Variants in BOD1L1 observed in about 807,000 individuals in gnomAD.
The protein encoded by BOD1L1 is biorientation of chromosomes in cell division protein 1-like 1.
A neutral mutation model predicts 240.7 loss-of-function variants in BOD1L1; 86 were observed. The observed-to-expected ratio is 0.36, with a 90% CI of 0.30 to 0.43. The LOEUF is 0.43. Ranked by LOEUF, BOD1L1 falls within the 20% of genes least tolerant of loss-of-function variation. The pLI is 1.00. For synonymous variants in BOD1L1, 1,268 were observed against 1,272.3 expected (o/e 1.00, Z 0.07); for missense variants, 3,554 against 3,643.5 (o/e 0.98, Z 0.63).
chr4:13,584,594 A>G (rs1239032931), intron 17 of BOD1L1, among the ~76,000 whole-genome samples: 3 of 152,090 alleles, frequency 2.0e-5, no homozygotes, highest in East Asian at 1.9e-4. Context: ...GTCCTGCACA[A>G]AAGTCTTCAA....
In BOD1L1 at chr4:13,576,921, C is replaced by A; in HGVS notation, c.8955G>T (p.Glu2985Asp). 1.9e-6 allele frequency: 3 copies of A among 1,614,012 alleles called. No homozygotes were observed. Among genetic ancestry groups the A allele is most frequent in the Non-Finnish European group, 2.5e-6 (3 of 1,179,880 alleles). Residue 2985 changes from glutamate (E) to aspartate (D), a missense_variant, in exon 25 of 26, where the codon GAG (glutamate) becomes GAT (aspartate). By Grantham distance (45) the Glu-to-Asp change is conservative. Coordinates refer to ENST00000040738, the MANE Select transcript of BOD1L1 (RefSeq NM_148894.3). ...SDPVEDKKEQ[E>D]SDEEEEEEEE... ...CCTCTTCTTCCTCTTCCTCATCAGA[C>A]TCCTGCTCTTTCTTGTCCTCCACTG...
At chr4:13,587,023 TTCATTCTTCAC>T (rs1191492751) in intron 16 of BOD1L1, among the ~76,000 whole-genome samples, 1 of 152,214 alleles carries the variant, frequency 6.6e-6, no homozygotes, top group Non-Finnish European at 1.5e-5. Context: ...ATATAAATAT[TTCATTCTTCAC>T]TCATTCTTTC....
chr4:13,608,631 C>T lies in BOD1L1; in HGVS notation c.1641G>A (p.Lys547=). 1 of 1,554,000 alleles carries T rather than the reference C, an allele frequency of 6.4e-7. No homozygotes were observed. The highest frequency in any genetic ancestry group is 8.7e-7 in the Non-Finnish European group (1 of 1,152,364). The stretch of plus-strand genomic sequence containing the variant: ...TTCTGGCGGCTTTAGGTTCCAAACT[C>T]TTTGTTGATGATTCTTCTAAGTCCA... The part of the protein sequence containing the change: ...SSVDLEESST[K]SLEPKAARIK... The change falls in exon 8 of 26, where the codon AAG becomes AAA. Residue 547 remains lysine (K), a synonymous_variant. Transcript: ENST00000040738.
chr4:13,608,766 CA>C, intron 7 of BOD1L1, 98 bp from the exon 8 acceptor site: 1 of 1,024,134 alleles, frequency 9.8e-7, no homozygotes, highest in South Asian at 2.4e-5. Context: ...TTGTTAAAGC[CA>C]AAATGGCTTT....
Position 13,603,790 on chromosome 4 carries a change from T to G in BOD1L1, c.3110A>C (p.Glu1037Ala). The G allele has an allele frequency of 6.2e-7, 1 of 1,613,508 alleles. No individual in the cohort carries two copies. The highest frequency in any genetic ancestry group is 8.5e-7 in the Non-Finnish European group (1 of 1,179,822). The change falls in exon 10 of 26, where the codon GAA becomes GCA. Residue 1037 changes from glutamate (E) to alanine (A), a missense_variant. Glu to Ala is a moderately radical substitution (Grantham distance 107). This residue lies in a region of BOD1L1 where 3,393 missense variants were observed against 3,427.1 expected (regional missense o/e 0.99). Transcript: ENST00000040738. ...HSSKDIKKKD[E>A]NKSDDKDGKE... ...ACCATCCTTGTCATCTGATTTATTT[T>G]CGTCCTTCTTTTTTATGTCTTTACT...
At chr4:13,612,793 T>C (rs1716275045) in intron 5 of BOD1L1, among the ~76,000 whole-genome samples, 1 of 151,862 alleles carries the variant, frequency 6.6e-6, no homozygotes, top group African/African-American at 2.4e-5. Context: ...GGTCATGGAG[T>C]AAGAGTTTGA....
intron 25 of BOD1L1, chr4:13,572,711 G>T: frequency 1.6e-6 from 2 of 1,289,750 alleles, no homozygotes; most frequent in Non-Finnish European, 2.0e-6. Flanking sequence ...CCTTCCTAAT[G>T]GGGGAGAGTT....
chr4:13,573,757 T>C (rs1364496077), intron 25 of BOD1L1, among the ~76,000 whole-genome samples: 1 of 152,150 alleles, frequency 6.6e-6, no homozygotes, highest in African/African-American at 2.4e-5. Flanking sequence ...CACCCGGCCT[T>C]AAGTGAGCCA....
rs773567290 is a variant in BOD1L1, at chr4:13,599,204, T to C, written c.7696A>G (p.Ser2566Gly). ...QQGSEDNLKT[S>G]TTKCITGQES... ...TGGCCAGTAATACATTTGGTGGTAC[T>C]GGTTTTCAAGTTGTCTTCAGACCCC... is the stretch of plus-strand genomic sequence containing the variant. Residue 2566 changes from serine to glycine, a missense_variant, in exon 10 of 26, where the codon AGT becomes GGT. Coordinates refer to ENST00000040738, the MANE Select transcript of BOD1L1 (RefSeq NM_148894.3). The C allele has an allele frequency of 6.8e-6, 11 of 1,613,962 alleles. No individual in the cohort carries two copies. The highest frequency in any genetic ancestry group is 9.3e-6 in the Non-Finnish European group (11 of 1,179,856).
rs150692913 is a variant in BOD1L1, at chr4:13,586,442, T to C, written c.8387A>G (p.Glu2796Gly). 2 of 1,612,078 alleles carry C rather than the reference T, an allele frequency of 1.2e-6. No homozygotes were observed. The highest frequency in any genetic ancestry group is 1.3e-5 in the African/African-American group (1 of 74,880). ...DNPDVLDSRI[E>G]TAQRQCPETE... The stretch of plus-strand genomic sequence containing the variant: ...TTCAGGACACTGCCTTTGTGCTGTT[T>C]CTATTCTGGAATCCAGGACATCTGG... The change falls in exon 17 of 26, where the codon GAA becomes GGA. Residue 2796 changes from glutamate (E) to glycine (G), a missense_variant. By Grantham distance (98) the Glu-to-Gly change is moderately conservative. Coordinates refer to ENST00000040738, the MANE Select transcript of BOD1L1 (RefSeq NM_148894.3).
chr4:13,622,183 T>A (rs1413536679), intron 1 of BOD1L1, among the ~76,000 whole-genome samples: 2 of 152,154 alleles, frequency 1.3e-5, no homozygotes, highest in Non-Finnish European at 2.9e-5. Flanking sequence ...AATTCTTAAT[T>A]CTTTCTCCCC....
Position 13,599,163 on chromosome 4 carries a change from A to G in BOD1L1, c.7737T>C (p.Ala2579=). 3 of 1,614,006 alleles carry G rather than the reference A, an allele frequency of 1.9e-6. No individual in the cohort carries two copies. The highest frequency in any genetic ancestry group is 2.5e-6 in the Non-Finnish European group (3 of 1,179,894). ...KCITGQESKI[A]PSHTMIPPAT... is the part of the protein sequence containing the mutation. ...CTGGAGGGATCATTGTGTGGGAAGG[A>G]GCAATTTTTGATTCTTGGCCAGTAA... Residue 2579 remains alanine (A), a synonymous_variant, in exon 10 of 26, where the codon GCT becomes GCC. Coordinates refer to ENST00000040738, the MANE Select transcript of BOD1L1 (RefSeq NM_148894.3).
At chr4:13,570,223 G>T in intron 25 of BOD1L1, 95 bp from the exon 26 acceptor site, 1 of 863,024 alleles carries the variant, frequency 1.2e-6, no homozygotes, top group Non-Finnish European at 1.7e-6. Flanking sequence ...TTTTGAACTT[G>T]ACAGCTAAGA....
Position 13,608,645 on chromosome 4 carries a change from C to A in BOD1L1, c.1627G>T (p.Glu543Ter). 1 of 1,530,224 alleles carries A rather than the reference C, an allele frequency of 6.5e-7. No homozygotes were observed. 94.8% of individuals were successfully genotyped at this position (1,530,224 alleles called of 1,614,324 possible). A position where few individuals can be genotyped will look rare whatever the true frequency, so the allele number is the denominator to read the frequency against. ...GQGRSSVDLE[E>*]SSTKSLEPKA... ...GGTTCCAAACTCTTTGTTGATGATTCTTCTAAGTCCACACTACTCCTGCCT... is the reference window on the plus strand; with the variant it reads ...GGTTCCAAACTCTTTGTTGATGATTATTCTAAGTCCACACTACTCCTGCCT... Residue 543 changes from glutamate to a stop codon, truncating the protein, a stop_gained, in exon 8 of 26, where the codon GAA (glutamate) becomes TAA (stop). Coordinates refer to ENST00000040738, the MANE Select transcript of BOD1L1 (RefSeq NM_148894.3). LOFTEE classifies it high-confidence loss of function.
rs748392164 is a variant in BOD1L1 at position 13,601,983 on chromosome 4, T to C, written c.4917A>G (p.Glu1639=). 1.1e-5 allele frequency: 18 copies of C among 1,614,036 alleles called. No homozygotes were observed. Among genetic ancestry groups the C allele is most frequent in the Middle Eastern group, 1.6e-4 (1 of 6,062 alleles). The change falls in exon 10 of 26, where the codon GAA becomes GAG. Residue 1639 remains glutamate, a synonymous_variant. Transcript: ENST00000040738. ...DLLAVHAVKI[E]ANVNSVVTEE... is the part of the protein sequence containing the mutation. ...CTGTCACAACGCTATTTACATTGGC[T>C]TCGATTTTAACTGCATGCACAGCCA...
intron 2 of BOD1L1, among the ~76,000 whole-genome samples, chr4:13,616,148 A>G (rs542853474): frequency 9.2e-5 from 14 of 152,362 alleles, no homozygotes; most frequent in Non-Finnish European, 1.6e-4. Context: ...TATGCTGGCC[A>G]CTGACAGCTA....
chr4:13,618,705 T>C (rs565723108), intron 2 of BOD1L1, among the ~76,000 whole-genome samples: 15 of 152,348 alleles, frequency 9.8e-5, no homozygotes, highest in African/African-American at 3.6e-4. Flanking sequence ...TTTCTAGTAT[T>C]ACCTGTGGCT....
At chr4:13,592,264 G>GA in intron 12 of BOD1L1, 1 of 296,698 alleles carries the variant, frequency 3.4e-6, no homozygotes. Context: ...CTGAAGCTTA[G>GA]AAAAAAAGTA....
intron 10 of BOD1L1, among the ~76,000 whole-genome samples, 154 bp from the exon 11 acceptor site, chr4:13,597,322 T>A (rs1047606385): frequency 3.9e-5 from 6 of 152,202 alleles, no homozygotes; most frequent in African/African-American, 1.2e-4. Flanking sequence ...AAAAGGAATA[T>A]GTTGTATAAA....
Sources: gnomAD v4.1 joint callset for allele counts (sites outside exome capture counted in the v4.1 genomes callset) on GRCh38, gnomAD v4.1.1 for gene constraint, gnomAD v4.1.1 regional missense constraint, MANE v1.5 for transcripts, NCBI Gene and HGNC (gene_info 2026-07-23, HGNC 2026-07-21) for gene names.